The following PAPSS2 variants were observed in gnomAD, a reference collection of about 807,000 sequenced individuals.
PAPSS2 encodes bifunctional 3'-phosphoadenosine 5'-phosphosulfate synthase 2.
PAPSS2 carries 61 observed loss-of-function variants against 66.5 expected under a neutral mutation model. The ratio of observed to expected loss-of-function variants is 0.92; its 90% confidence interval spans 0.75 to 1.14. PAPSS2 has a LOEUF of 1.14. PAPSS2 is among the 50% of genes most tolerant of loss of function. The pLI is 0.00. For missense variants in PAPSS2, 708 were observed against 789.6 expected (o/e 0.90, Z 1.24); for synonymous variants, 289 against 287.5 (o/e 1.01, Z -0.05).
At chr10:87,740,806 T>A (rs889969040) in intron 9 of PAPSS2, among the ~76,000 whole-genome samples, 8 of 152,220 alleles carry the variant, frequency 5.3e-5, no homozygotes, top group Non-Finnish European at 1.0e-4. Context: ...AGCTGTCTTC[T>A]ATTAAGTCAG....
rs769023093 is a variant in PAPSS2 at position 87,745,202 on chromosome 10, A to G, written c.1692A>G (p.Lys564=). The change falls in exon 12 of 13, where the codon AAA becomes AAG. Residue 564 remains lysine, a synonymous_variant. Transcript: ENST00000456849. ...PFRVAAYNKA[K]KAMDFYDPAR... ...GAGTGGCTGCCTACAACAAAGCCAAAAAAGCCATGGACTTCTATGATCCAG... is the reference window on the plus strand; with the variant it reads ...GAGTGGCTGCCTACAACAAAGCCAAGAAAGCCATGGACTTCTATGATCCAG... 1 of 1,613,812 alleles carries G rather than the reference A, an allele frequency of 6.2e-7. No individual in the cohort carries two copies. Among genetic ancestry groups the G allele is most frequent in the South Asian group, 1.1e-5 (1 of 91,020 alleles).
At chr10:87,715,594 T>A in intron 6 of PAPSS2, 138 bp from the exon 7 acceptor site, 1 of 707,362 alleles carries the variant, frequency 1.4e-6, no homozygotes, top group Non-Finnish European at 2.6e-6. Context: ...TGGGTTAGCA[T>A]AACAGGTGGG....
intron 7 of PAPSS2, among the ~76,000 whole-genome samples, chr10:87,717,709 T>G (rs960937527): frequency 6.6e-6 from 1 of 152,042 alleles, no homozygotes; most frequent in Non-Finnish European, 1.5e-5. Context: ...ACTACAGGCA[T>G]GTACCACCAT....
Position 87,745,848 on chromosome 10 carries a change from T to C in PAPSS2, c.1738T>C (p.Phe580Leu). 6.2e-7 allele frequency: 1 copy of C among 1,614,040 alleles called. No individual in the cohort carries two copies. The highest frequency in any genetic ancestry group is 8.5e-7 in the Non-Finnish European group (1 of 1,179,966). ...CTGTAACAGGCACAATGAGTTTGAC[T>C]TCATCTCAGGAACTCGAATGAGGAA... ...YDPARHNEFD[F>L]ISGTRMRKLA... Residue 580 changes from phenylalanine (F) to leucine (L), a missense_variant, in exon 13 of 13, where the codon TTC (phenylalanine) becomes CTC (leucine). Coordinates refer to ENST00000456849, the MANE Select transcript of PAPSS2 (RefSeq NM_001015880.2).
At chr10:87,714,373 A>C (rs1341913389) in intron 4 of PAPSS2, among the ~76,000 whole-genome samples, 191 bp downstream of exon 4, 1 of 152,200 alleles carries the variant, frequency 6.6e-6, no homozygotes, top group Non-Finnish European at 1.5e-5. Flanking sequence ...TTTTATTTTT[A>C]AGAATTGTCA....
intron 2 of PAPSS2, among the ~76,000 whole-genome samples, chr10:87,712,622 A>AT (rs956338429): frequency 1.5e-4 from 22 of 151,670 alleles, no homozygotes; most frequent in African/African-American, 4.8e-4. Flanking sequence ...CACCCGGCTA[A>AT]TTTTTTTTGT....
intron 1 of PAPSS2, among the ~76,000 whole-genome samples, chr10:87,696,371 T>TA: frequency 6.6e-6 from 1 of 152,174 alleles, no homozygotes; most frequent in Admixed American, 6.5e-5. Flanking sequence ...ATGTATGTTA[T>TA]AATAGGAGGC....
intron 8 of PAPSS2, among the ~76,000 whole-genome samples, chr10:87,726,827 A>C (rs1050181816): frequency 2.6e-5 from 4 of 152,226 alleles, no homozygotes; most frequent in Admixed American, 6.5e-5. Context: ...ATAGAGCCTA[A>C]ACAGGTAATG....
rs141340758 is a variant in PAPSS2, at chr10:87,745,881, C to T, written c.1771C>T (p.Arg591Trp). 1.5e-5 allele frequency: 24 copies of T among 1,613,844 alleles called. No homozygotes were observed. Among genetic ancestry groups the T allele is most frequent in the East Asian group, 2.2e-5 (1 of 44,874 alleles). ...ISGTRMRKLA[R>W]EGENPPDGFM... ...AGGAACTCGAATGAGGAAGCTCGCC[C>T]GGGAAGGAGAGAATCCCCCAGATGG... The change falls in exon 13 of 13, where the codon CGG becomes TGG. Residue 591 changes from arginine to tryptophan, a missense_variant. Physicochemically the swap from Arg to Trp is moderately radical, Grantham distance 101. Transcript: ENST00000456849.
At chr10:87,720,817 T>C (rs765248746) in intron 7 of PAPSS2, among the ~76,000 whole-genome samples, 4 of 152,248 alleles carry the variant, frequency 2.6e-5, no homozygotes, top group Non-Finnish European at 4.4e-5. Flanking sequence ...AGTCACTCCA[T>C]ATTATTACTC....
At chr10:87,673,130 A>G (rs1157087812) in intron 1 of PAPSS2, among the ~76,000 whole-genome samples, 3 of 152,180 alleles carry the variant, frequency 2.0e-5, no homozygotes, top group African/African-American at 4.8e-5. Flanking sequence ...GTGTAACTCT[A>G]TGTGTCTGAA....
At chr10:87,698,374 C>G (rs1295419712) in intron 1 of PAPSS2, among the ~76,000 whole-genome samples, 2 of 152,002 alleles carry the variant, frequency 1.3e-5, no homozygotes, top group African/African-American at 4.8e-5. Flanking sequence ...AATTTTAATT[C>G]ATAAATTTCA....
At chr10:87,674,908 A>C (rs1395783582) in intron 1 of PAPSS2, among the ~76,000 whole-genome samples, 1 of 152,220 alleles carries the variant, frequency 6.6e-6, no homozygotes, top group Non-Finnish European at 1.5e-5. Context: ...TTTTGACTCC[A>C]AAAAGGGTAA....
chr10:87,666,480 G>A (rs1051720475), intron 1 of PAPSS2, among the ~76,000 whole-genome samples: 2 of 151,888 alleles, frequency 1.3e-5, no homozygotes, highest in Admixed American at 1.3e-4. Context: ...TAGTCAGATA[G>A]CTAGTCAAAA....
chr10:87,699,936 A>T (rs1853281970), intron 1 of PAPSS2, among the ~76,000 whole-genome samples: 1 of 152,062 alleles, frequency 6.6e-6, no homozygotes, highest in African/African-American at 2.4e-5. Context: ...TAGAGAAGAG[A>T]AGGAAAATAG....
In PAPSS2 at chr10:87,714,076, A is replaced by G. The variant is rs147913493; in HGVS notation, c.414A>G (p.Ser138=). The G allele has an allele frequency of 6.2e-7, 1 of 1,613,852 alleles. No homozygotes were observed. Among genetic ancestry groups the G allele is most frequent in the Admixed American group, 1.7e-5 (1 of 59,992 alleles). ...AGAATGCCCGCAAAATACATGAATC[A>G]GCAGGGCTGCCATTCTTTGAAATAT... is the stretch of plus-strand genomic sequence containing the variant. ...DRENARKIHE[S]AGLPFFEIFV... is the part of the protein sequence containing the mutation. Residue 138 remains serine, a synonymous_variant, in exon 4 of 13, where the codon TCA becomes TCG. Coordinates refer to ENST00000456849, the MANE Select transcript of PAPSS2 (RefSeq NM_001015880.2).
chr10:87,678,489 A>G (rs1371457243), intron 1 of PAPSS2, among the ~76,000 whole-genome samples: 1 of 152,216 alleles, frequency 6.6e-6, no homozygotes, highest in Non-Finnish European at 1.5e-5. Flanking sequence ...AAAGGAAACA[A>G]TCAACAGCAT....
chr10:87,745,928 G>A lies in PAPSS2; in HGVS notation c.1818G>A (p.Trp606Ter), dbSNP rs1390496049. 8.1e-6 allele frequency: 13 copies of A among 1,613,980 alleles called. No homozygotes were observed. Among genetic ancestry groups the A allele is most frequent in the African/African-American group, 1.3e-5 (1 of 74,904 alleles). ...PPDGFMAPKA[W>*]KVLTDYYRSL... is the part of the protein sequence containing the mutation. ...ATGGCTTCATGGCCCCCAAAGCATGGAAGGTCCTGACAGATTATTACAGGT... is the reference window on the plus strand; with the variant it reads ...ATGGCTTCATGGCCCCCAAAGCATGAAAGGTCCTGACAGATTATTACAGGT... Residue 606 changes from tryptophan (W) to a stop codon, truncating the protein, a stop_gained, in exon 13 of 13, where the codon TGG becomes TGA. Transcript: ENST00000456849. LOFTEE classifies it high-confidence loss of function.
At chr10:87,742,044 C>G (rs774249181) in intron 10 of PAPSS2, among the ~76,000 whole-genome samples, 7 of 152,202 alleles carry the variant, frequency 4.6e-5, no homozygotes, top group Non-Finnish European at 1.0e-4. Context: ...AGGCATGAGC[C>G]ACCATCATGC....
Sources: gnomAD v4.1 joint callset for allele counts (sites outside exome capture counted in the v4.1 genomes callset) on GRCh38, gnomAD v4.1.1 for gene constraint, MANE v1.5 for transcripts, NCBI Gene and HGNC (gene_info 2026-07-23, HGNC 2026-07-21) for gene names.